The following ADAMTS19 variants were observed in gnomAD, a reference collection of about 807,000 sequenced individuals.
ADAMTS19 encodes the protein A disintegrin and metalloproteinase with thrombospondin motifs 19.
In ADAMTS19, 93 loss-of-function variants were observed where a neutral mutation model predicts 153.3. The ratio of observed to expected loss-of-function variants is 0.61; its 90% CI spans 0.51 to 0.72. The LOEUF (loss-of-function observed/expected upper bound fraction) is 0.72, where lower values mean the gene tolerates loss of function less well. Ranked by LOEUF, ADAMTS19 falls within the 30% of genes least tolerant of loss-of-function variation. ADAMTS19 has a pLI of 0.00. For synonymous variants in ADAMTS19, 600 were observed against 556.6 expected (o/e 1.08, Z -1.10); for missense variants, 1,482 against 1,552.1 (o/e 0.95, Z 0.76).
Position 129,477,533 on chromosome 5 carries a change from G to A in ADAMTS19, c.747+15776G>A, listed in dbSNP as rs114379215. Among the ~76,000 whole-genome samples, 440 of 152,260 alleles carry A rather than the reference G, an allele frequency of 2.9e-3. 5 individuals carry two copies. The highest frequency in any genetic ancestry group is 0.01 in the African/African-American group (424 of 41,564). On this transcript the variant is annotated intron_variant, in intron 2 of 22. Transcript: ENST00000274487. The stretch of plus-strand genomic sequence containing the variant: ...AGTGTGTTTTAAGTTTAAGAATATG[G>A]AAACCCCTATTTTCATTTGAAATGC...
At chr5:129,705,638 C>T (rs566626186) in intron 21 of ADAMTS19, among the ~76,000 whole-genome samples, 1 of 152,338 alleles carries the variant, frequency 6.6e-6, no homozygotes, top group East Asian at 1.9e-4. Flanking sequence ...GGAATTTTGA[C>T]TGGTGAATCA....
intron 3 of ADAMTS19, among the ~76,000 whole-genome samples, chr5:129,516,281 T>C (rs1053063707): frequency 6.0e-5 from 9 of 151,226 alleles, no homozygotes; most frequent in Non-Finnish European, 7.4e-5. Flanking sequence ...CTTTTCTTTT[T>C]TTTTTTTGTA....
intron 6 of ADAMTS19, among the ~76,000 whole-genome samples, chr5:129,543,048 GTT>G (rs745799730): frequency 9.3e-5 from 13 of 140,336 alleles, no homozygotes; most frequent in African/African-American, 3.1e-4. Flanking sequence ...TTGTTGTTTT[GTT>G]TTTTTTTTTT....
intron 17 of ADAMTS19, among the ~76,000 whole-genome samples, chr5:129,683,336 T>C (rs1001193694): frequency 6.6e-6 from 1 of 152,076 alleles, no homozygotes; most frequent in Non-Finnish European, 1.5e-5. Flanking sequence ...ACATGGTCCC[T>C]GCATATAGTT....
chr5:129,695,201 T>C (rs68016849), intron 19 of ADAMTS19, among the ~76,000 whole-genome samples: 8,868 of 152,130 alleles, frequency 0.058, 415 homozygotes, highest in African/African-American at 0.13. Context: ...GTGTTAGAAT[T>C]TGCCCACAGT....
At position 129,461,630 on chromosome 5, in the gene ADAMTS19, C is replaced by T. The variant is rs539262233; in HGVS notation, c.620C>T (p.Pro207Leu). The T allele has an allele frequency of 1.6e-5, 26 of 1,594,714 alleles. No homozygotes were observed. The highest frequency in any genetic ancestry group is 2.0e-5 in the Non-Finnish European group (24 of 1,176,864). Residue 207 changes from proline (P) to leucine (L), a missense_variant, in exon 2 of 23, where the codon CCC (proline) becomes CTC (leucine). Physicochemically the swap from Pro to Leu is moderately conservative, Grantham distance 98. Transcript: ENST00000274487. This position sits in a 1 kb window ranked among gnomAD's most constrained non-coding sequence, Gnocchi z 4.6. The stretch of plus-strand genomic sequence containing the variant: ...GTGGAACAGCGGCCAAATCCCGGCC[C>T]CGGCCCCACGGGGGCAGCATCCGCC... ...FAVEQRPNPG[P>L]GPTGAASAPQ...
At chr5:129,503,310 T>TG (rs1751162531) in intron 2 of ADAMTS19, among the ~76,000 whole-genome samples, 2 of 152,246 alleles carry the variant, frequency 1.3e-5, no homozygotes, top group South Asian at 4.1e-4. Context: ...ATAGATATGG[T>TG]GTCAGAAGTG....
rs145996495 is a variant in ADAMTS19 at position 129,553,196 on chromosome 5, G to T, written c.1372+1289G>T. ...GCCCCCAAAAGCCTTGTTTGATAGG[G>T]ACAGCTCAACATCTTGCCTTGCTTG... On this transcript the variant is annotated intron_variant, in intron 7 of 22. Transcript: ENST00000274487. Among the ~76,000 whole-genome samples the T allele has an allele frequency of 6.4e-3, 979 of 152,114 alleles. 13 individuals are homozygous for T. The highest frequency in any genetic ancestry group is 0.023 in the African/African-American group (940 of 41,502).
rs147880101 is a variant in ADAMTS19, at chr5:129,704,338, G to T, written c.3259G>T (p.Asp1087Tyr). 108 of 1,614,046 alleles carry T rather than the reference G, an allele frequency of 6.7e-5. No homozygotes were observed. The highest frequency in any genetic ancestry group is 9.0e-5 in the Non-Finnish European group (106 of 1,180,018). ...VLSTRPREAEDCEDYSKCYVW... is the reference protein window; with the variant it reads ...VLSTRPREAEYCEDYSKCYVW... ...CTCTACCAGACCCAGGGAGGCTGAAGACTGTGAGGATTATTCAAAATGCTA... is the reference window on the plus strand; with the variant it reads ...CTCTACCAGACCCAGGGAGGCTGAATACTGTGAGGATTATTCAAAATGCTA... The change falls in exon 21 of 23, where the codon GAC (aspartate) becomes TAC (tyrosine). Residue 1087 changes from aspartate (D) to tyrosine (Y), a missense_variant. Transcript: ENST00000274487.
intron 2 of ADAMTS19, among the ~76,000 whole-genome samples, chr5:129,490,559 T>TA (rs1386052264): frequency 1.3e-5 from 2 of 152,144 alleles, no homozygotes; most frequent in Non-Finnish European, 2.9e-5. Context: ...AGGAACCAAA[T>TA]AAAATCAAAG....
intron 6 of ADAMTS19, among the ~76,000 whole-genome samples, chr5:129,542,120 T>C (rs1226713754): frequency 6.6e-6 from 1 of 152,104 alleles, no homozygotes; most frequent in Admixed American, 6.6e-5. Flanking sequence ...AATAGTTGGC[T>C]TATTTTGATT....
chr5:129,491,451 C>T (rs1750769528), intron 2 of ADAMTS19, among the ~76,000 whole-genome samples: 1 of 152,078 alleles, frequency 6.6e-6, no homozygotes, highest in Admixed American at 6.6e-5. Flanking sequence ...ATTTTAATTT[C>T]CTTGCTTATT....
At chr5:129,728,047 G>T (rs917968783) in intron 21 of ADAMTS19, among the ~76,000 whole-genome samples, 1 of 152,084 alleles carries the variant, frequency 6.6e-6, no homozygotes. Context: ...AACCAAGATG[G>T]TGATGAAAGT....
intron 2 of ADAMTS19, chr5:129,500,538 T>G (rs922079821): frequency 1.6e-4 from 24 of 152,312 alleles, no homozygotes; most frequent in Admixed American, 6.5e-4. Flanking sequence ...TTGCAACGCC[T>G]GCCTTAGTCT....
intron 8 of ADAMTS19, among the ~76,000 whole-genome samples, chr5:129,597,513 A>G (rs575471133): frequency 1.3e-5 from 2 of 152,302 alleles, no homozygotes; most frequent in African/African-American, 4.8e-5. Context: ...CTTCTGGCCT[A>G]GATTCCTCGT....
intron 7 of ADAMTS19, among the ~76,000 whole-genome samples, chr5:129,571,191 CTAA>C (rs1753892923): frequency 6.6e-6 from 1 of 151,730 alleles, no homozygotes; most frequent in African/African-American, 2.4e-5. Flanking sequence ...ACTCCTAAAA[CTAA>C]TAAATGAGGT....
intron 6 of ADAMTS19, among the ~76,000 whole-genome samples, chr5:129,536,025 C>T (rs373325760): frequency 2.0e-5 from 3 of 152,116 alleles, no homozygotes; most frequent in Non-Finnish European, 4.4e-5. Context: ...GTCTAAAACA[C>T]CAAAAGCAAT....
intron 7 of ADAMTS19, among the ~76,000 whole-genome samples, chr5:129,557,754 G>C (rs1277411106): frequency 2.0e-5 from 3 of 152,100 alleles, no homozygotes; most frequent in Non-Finnish European, 4.4e-5. Flanking sequence ...GATTAAAACT[G>C]TATAAATGTC....
intron 18 of ADAMTS19, among the ~76,000 whole-genome samples, chr5:129,688,819 T>C (rs1755203969): frequency 6.6e-6 from 1 of 152,224 alleles, no homozygotes; most frequent in South Asian, 2.1e-4. Flanking sequence ...GAAATGTTTT[T>C]GTGAAAGAAA....
Sources: allele counts gnomAD v4.1 joint callset (sites outside exome capture counted in the v4.1 genomes callset), GRCh38; gene constraint gnomAD v4.1.1; non-coding constraint Gnocchi (gnomAD v3.1); transcripts MANE v1.5; gene names NCBI Gene and HGNC (gene_info 2026-07-23, HGNC 2026-07-21).